The following TMEM132C variants were observed in gnomAD, a reference collection of about 807,000 sequenced individuals.
The protein encoded by TMEM132C is protein phosphatase 1, regulatory subunit 152.
A neutral mutation model predicts 61.4 loss-of-function variants in TMEM132C; 29 were observed. That is an observed-to-expected ratio of 0.47 (90% CI 0.35 to 0.64). TMEM132C has a LOEUF of 0.64. TMEM132C is among the 30% of genes least tolerant of loss of function. The pLI is 0.00. For synonymous variants in TMEM132C, 656 were observed against 633.1 expected, an observed-to-expected ratio of 1.04 and a Z score of -0.54; for missense variants, 1,408 against 1,476.9, an observed-to-expected ratio of 0.95 and a Z score of 0.76.
rs1417200978 is a variant in TMEM132C at position 128,695,762 on chromosome 12, C to T, written c.1656-68C>T. On this transcript the variant is annotated intron_variant, in intron 6 of 8. Transcript: ENST00000435159. ...GTCTCCTTGAGGTTGAGGTGAGCGC[C>T]TGCCTGTCTCAAGAACGTCTTAGAC... 6.2e-6 allele frequency: 9 copies of T among 1,458,376 alleles called. No homozygotes were observed. In the African/African-American group the frequency reaches 9.9e-5, roughly 16 times the overall value. The allele number at this position is 1,458,376 out of a possible 1,614,324, so 90.3% of individuals were successfully genotyped here.
intron 2 of TMEM132C, among the ~76,000 whole-genome samples, chr12:128,447,796 G>A (rs1014345707): frequency 1.6e-5 from 2 of 122,302 alleles, no homozygotes; most frequent in East Asian, 2.5e-4. Context: ...GCGCAATCTC[G>A]GCTCACTGCA....
At chr12:128,594,679 GGAT>G (rs988050982) in intron 3 of TMEM132C, among the ~76,000 whole-genome samples, 1 of 152,176 alleles carries the variant, frequency 6.6e-6, no homozygotes, top group African/African-American at 2.4e-5. Context: ...TTTTCAACAA[GGAT>G]GATGTTTTCC....
Position 128,427,387 on chromosome 12 carries a change from G to GGTGTGTGTGTGT in TMEM132C, c.974+11798_974+11809dup, listed in dbSNP as rs761620460. On this transcript the variant is annotated intron_variant, in intron 2 of 8. Transcript: ENST00000435159. ...TCCTTTTAGTTTCTACTTCCAAAGG[G>GGTGTGTGTGTGT]GTGTGTGTGTGTGTGTGTGTGTGTG... Among the ~76,000 whole-genome samples, 122 of 132,346 alleles carry GGTGTGTGTGTGT rather than the reference G, an allele frequency of 9.2e-4. 1 individual carries two copies. Among genetic ancestry groups the GGTGTGTGTGTGT allele is most frequent in the Middle Eastern group, 4.0e-3 (1 of 250 alleles). The allele number at this position is 132,346 out of a possible 152,430, so 86.8% of individuals were successfully genotyped here.
At chr12:128,666,701 A>C (rs1362935309) in intron 4 of TMEM132C, among the ~76,000 whole-genome samples, 2 of 152,258 alleles carry the variant, frequency 1.3e-5, no homozygotes, top group East Asian at 3.8e-4. Flanking sequence ...GAGTGGTTTT[A>C]AATACAGGGA....
chr12:128,465,269 G>T (rs1453066853), intron 2 of TMEM132C, among the ~76,000 whole-genome samples: 1 of 150,866 alleles, frequency 6.6e-6, no homozygotes, highest in East Asian at 1.9e-4. Context: ...TGCCATCTCA[G>T]CTCACTACAA....
chr12:128,700,559 C>G (rs1954796745), intron 8 of TMEM132C, among the ~76,000 whole-genome samples: 1 of 152,152 alleles, frequency 6.6e-6, no homozygotes, highest in African/African-American at 2.4e-5. Context: ...AACTTGCACA[C>G]TGTTCAGTCT....
At chr12:128,411,423 G>A (rs1868542557) in intron 1 of TMEM132C, among the ~76,000 whole-genome samples, 1 of 152,134 alleles carries the variant, frequency 6.6e-6, no homozygotes, top group Non-Finnish European at 1.5e-5. Flanking sequence ...CAGTATCATC[G>A]AGTCATAGAT....
intron 3 of TMEM132C, among the ~76,000 whole-genome samples, chr12:128,561,576 T>C (rs1326806825): frequency 6.6e-6 from 1 of 152,156 alleles, no homozygotes; most frequent in Non-Finnish European, 1.5e-5. Flanking sequence ...CATATTAGGG[T>C]TCATTAGGTC....
intron 1 of TMEM132C, among the ~76,000 whole-genome samples, chr12:128,358,137 C>T (rs192646766): frequency 3.9e-5 from 6 of 152,080 alleles, no homozygotes; most frequent in Admixed American, 3.3e-4. Context: ...GCAGAGAGGC[C>T]CAGGGTGGAA....
At chr12:128,413,397 GAAGT>G (rs1868640489) in intron 1 of TMEM132C, among the ~76,000 whole-genome samples, 1 of 148,532 alleles carries the variant, frequency 6.7e-6, no homozygotes, top group African/African-American at 2.5e-5. Context: ...TAGATTCCTA[GAAGT>G]AAGATGAAAG....
intron 3 of TMEM132C, among the ~76,000 whole-genome samples, chr12:128,566,672 T>A (rs1342581638): frequency 6.6e-6 from 1 of 152,230 alleles, no homozygotes; most frequent in Non-Finnish European, 1.5e-5. Flanking sequence ...GAATCTTCCA[T>A]CAGAGGAGTA....
chr12:128,434,744 A>G (rs1331629905), intron 2 of TMEM132C, among the ~76,000 whole-genome samples: 1 of 152,102 alleles, frequency 6.6e-6, no homozygotes, highest in Non-Finnish European at 1.5e-5. Context: ...CTGGGACTAC[A>G]GGCACATGCC....
chr12:128,704,391 G>T (rs188782727), intron 8 of TMEM132C, among the ~76,000 whole-genome samples: 1 of 152,246 alleles, frequency 6.6e-6, no homozygotes, highest in East Asian at 1.9e-4. Context: ...TACCCATGCA[G>T]AGCAAGGGCA....
intron 2 of TMEM132C, among the ~76,000 whole-genome samples, chr12:128,434,578 G>A (rs533809215): frequency 5.9e-5 from 9 of 151,620 alleles, no homozygotes; most frequent in Non-Finnish European, 7.4e-5. Context: ...GTGAGCCACC[G>A]CACCTGGCCT....
At chr12:128,605,808 A>G (rs1876402854) in intron 3 of TMEM132C, among the ~76,000 whole-genome samples, 1 of 152,084 alleles carries the variant, frequency 6.6e-6, no homozygotes, top group Non-Finnish European at 1.5e-5. Context: ...GAGAATTTAT[A>G]CTCATTGGAG....
chr12:128,541,801 C>G (rs1443835264), intron 2 of TMEM132C, among the ~76,000 whole-genome samples: 1 of 152,126 alleles, frequency 6.6e-6, no homozygotes, highest in Non-Finnish European at 1.5e-5. Context: ...ATGCCTGTTG[C>G]ATTTTGGTCT....
At chr12:128,332,160 A>G (rs1482891775) in intron 1 of TMEM132C, among the ~76,000 whole-genome samples, 1 of 152,218 alleles carries the variant, frequency 6.6e-6, no homozygotes, top group Non-Finnish European at 1.5e-5. Context: ...ACATGCTTCA[A>G]GTAGTGTTTG....
At chr12:128,637,773 A>G (rs1162958644) in intron 4 of TMEM132C, among the ~76,000 whole-genome samples, 1 of 152,172 alleles carries the variant, frequency 6.6e-6, no homozygotes, top group Non-Finnish European at 1.5e-5. Context: ...CTGCTCTGCT[A>G]CAAACAGCCC....
In TMEM132C at chr12:128,706,148, C is replaced by CG. The variant is rs1478735297; in HGVS notation, c.3180_3181insG (p.Thr1061AspfsTer19). Reference sequence around the variant, plus strand: ...AGAAGGTGAAATTTACCACCTTTACCACCATCCCCCCGGACGACAGCTGCC... The same window carrying CG: ...AGAAGGTGAAATTTACCACCTTTACCGACCATCCCCCCGGACGACAGCTGCC... On this transcript the variant is annotated frameshift_variant, in exon 9 of 9. Transcript: ENST00000435159. LOFTEE classifies it low-confidence loss of function (END_TRUNC). 6.4e-7 allele frequency: 1 copy of CG among 1,551,452 alleles called. No homozygotes were observed. Among genetic ancestry groups the CG allele is most frequent in the Admixed American group, 2.0e-5 (1 of 50,984 alleles).
Sources: gnomAD v4.1 joint callset for allele counts (sites outside exome capture counted in the v4.1 genomes callset) on GRCh38, gnomAD v4.1.1 for gene constraint, MANE v1.5 for transcripts, NCBI Gene and HGNC (gene_info 2026-07-23, HGNC 2026-07-21) for gene names.